Variants in DLGAP2 observed in about 807,000 individuals in gnomAD.
The protein encoded by DLGAP2 is disks large-associated protein 2.
A neutral mutation model predicts 100.3 loss-of-function variants in DLGAP2; 26 were observed. The ratio of observed to expected loss-of-function variants is 0.26; its 90% CI spans 0.19 to 0.36. DLGAP2 has a LOEUF of 0.36. DLGAP2 is among the 10% of genes least tolerant of loss of function. The probability of loss-of-function intolerance (pLI) is 1.00; values close to 1 mark genes in which losing one functional copy is unlikely to be tolerated. For missense variants in DLGAP2, 1,858 were observed against 1,453.2 expected, an observed-to-expected ratio of 1.28 and a Z score of -4.53; for synonymous variants, 886 against 630.1, an observed-to-expected ratio of 1.41 and a Z score of -6.08.
intron 1 of DLGAP2, among the ~76,000 whole-genome samples, chr8:802,152 C>T (rs1406917783): frequency 9.3e-5 from 14 of 150,098 alleles, no homozygotes; most frequent in Admixed American, 6.6e-5. Context: ...GAATGGTCCG[C>T]ACTCCTCCTG....
chr8:1,146,145 C>A (rs994013449), intron 2 of DLGAP2, among the ~76,000 whole-genome samples: 2 of 152,178 alleles, frequency 1.3e-5, no homozygotes, highest in Non-Finnish European at 2.9e-5. Context: ...ATCTCTGCAG[C>A]CACGAGGGTG....
intron 2 of DLGAP2, among the ~76,000 whole-genome samples, chr8:1,108,338 T>C (rs1804842202): frequency 6.6e-6 from 1 of 152,206 alleles, no homozygotes. Context: ...ACTTTCAGCA[T>C]TAATAGAACA....
intron 2 of DLGAP2, among the ~76,000 whole-genome samples, chr8:1,208,830 A>G (rs954947145): frequency 6.6e-6 from 1 of 152,040 alleles, no homozygotes; most frequent in Non-Finnish European, 1.5e-5. Context: ...TGAGAATCAG[A>G]TCAAGAACTC....
chr8:1,423,449 A>G (rs142702181), intron 3 of DLGAP2, among the ~76,000 whole-genome samples: 1 of 152,294 alleles, frequency 6.6e-6, no homozygotes, highest in African/African-American at 2.4e-5. Context: ...GCGAGGTCTG[A>G]TGACCACTGC....
intron 2 of DLGAP2, among the ~76,000 whole-genome samples, chr8:1,027,781 G>T (rs1480013825): frequency 8.0e-6 from 1 of 124,766 alleles, no homozygotes; most frequent in Non-Finnish European, 1.7e-5. Flanking sequence ...TCAGGCGCCC[G>T]TTATTCTCCA....
intron 2 of DLGAP2, among the ~76,000 whole-genome samples, chr8:1,106,129 A>G (rs1476758808): frequency 1.6e-4 from 17 of 108,184 alleles, no homozygotes; most frequent in African/African-American, 5.0e-4. Flanking sequence ...AGGGTTTTCT[A>G]TTGAGGGGAG....
At chr8:795,947 G>A (rs1585871640) in intron 1 of DLGAP2, among the ~76,000 whole-genome samples, 4 of 141,280 alleles carry the variant, frequency 2.8e-5, no homozygotes, top group South Asian at 2.6e-4. Context: ...GGCGTCCAGT[G>A]AGAGCAGGCG....
At chr8:1,426,293 A>G (rs1284159310) in intron 3 of DLGAP2, among the ~76,000 whole-genome samples, 1 of 152,194 alleles carries the variant, frequency 6.6e-6, no homozygotes, top group African/African-American at 2.4e-5. Flanking sequence ...GAATTTGGAG[A>G]CCTAAAATTG....
At chr8:1,533,598 A>G (rs1007640836) in intron 4 of DLGAP2, among the ~76,000 whole-genome samples, 7 of 152,214 alleles carry the variant, frequency 4.6e-5, no homozygotes, top group Non-Finnish European at 8.8e-5. Flanking sequence ...ATTTAAATTT[A>G]AATTTTAAAT....
At chr8:858,377 C>A (rs141491812) in intron 1 of DLGAP2, among the ~76,000 whole-genome samples, 13 of 152,372 alleles carry the variant, frequency 8.5e-5, no homozygotes, top group African/African-American at 3.1e-4. Context: ...CTGGAAAAGA[C>A]AGAACTGTGC....
intron 2 of DLGAP2, among the ~76,000 whole-genome samples, chr8:1,204,257 G>C (rs1797944016): frequency 1.3e-5 from 2 of 152,236 alleles, no homozygotes; most frequent in African/African-American, 4.8e-5. Context: ...TTCCGCGAGA[G>C]ATTGAAACTA....
chr8:1,514,770 G>A (rs1800300551), intron 4 of DLGAP2, among the ~76,000 whole-genome samples: 1 of 152,214 alleles, frequency 6.6e-6, no homozygotes, highest in African/African-American at 2.4e-5. Context: ...CCTAGTCCAT[G>A]TAGCTGCTGC....
At chr8:1,102,248 T>C (rs1211574189) in intron 2 of DLGAP2, among the ~76,000 whole-genome samples, 1 of 147,808 alleles carries the variant, frequency 6.8e-6, no homozygotes, top group Admixed American at 6.8e-5. Flanking sequence ...TACTGATTAA[T>C]ATTAATATAT....
chr8:1,589,152 T>G (rs1214125806), intron 6 of DLGAP2, among the ~76,000 whole-genome samples: 1 of 152,196 alleles, frequency 6.6e-6, no homozygotes, highest in East Asian at 1.9e-4. Flanking sequence ...TTTTAAATAT[T>G]TTCCAAATTT....
chr8:876,214 C>T (rs991655229), intron 1 of DLGAP2, among the ~76,000 whole-genome samples: 2 of 152,008 alleles, frequency 1.3e-5, no homozygotes, highest in African/African-American at 4.8e-5. Context: ...ATGTAATTAC[C>T]ATTACCAGTT....
intron 1 of DLGAP2, among the ~76,000 whole-genome samples, chr8:867,390 G>A (rs1171408756): frequency 6.6e-6 from 1 of 152,238 alleles, no homozygotes; most frequent in African/African-American, 2.4e-5. Context: ...GCTGGAGTCA[G>A]CAGGAAGCCT....
chr8:1,041,612 C>T (rs966983511), intron 2 of DLGAP2, among the ~76,000 whole-genome samples: 1 of 131,426 alleles, frequency 7.6e-6, no homozygotes, highest in African/African-American at 3.0e-5. Flanking sequence ...GTTCTCCGAG[C>T]CCCTTGCCGT....
At chr8:1,361,281 T>G (rs1426203881) in intron 3 of DLGAP2, among the ~76,000 whole-genome samples, 1 of 152,214 alleles carries the variant, frequency 6.6e-6, no homozygotes, top group East Asian at 1.9e-4. Context: ...AGTCGACATT[T>G]CATGGATCAC....
At chr8:1,083,775 A>G (rs540393726) in intron 2 of DLGAP2, among the ~76,000 whole-genome samples, 12 of 152,322 alleles carry the variant, frequency 7.9e-5, no homozygotes, top group African/African-American at 2.9e-4. Flanking sequence ...AACGAGTTAT[A>G]TAAGTTAGAT....
Sources: gnomAD v4.1 joint callset for allele counts (sites outside exome capture counted in the v4.1 genomes callset) on GRCh38, gnomAD v4.1.1 for gene constraint, MANE v1.5 for transcripts, NCBI Gene and HGNC (gene_info 2026-07-23, HGNC 2026-07-21) for gene names.